Variants in BUB3 observed in about 807,000 individuals in gnomAD.
The protein encoded by BUB3 is BUB3 mitotic checkpoint protein.
A neutral mutation model predicts 39.9 loss-of-function variants in BUB3; 22 were observed. That is an observed-to-expected ratio of 0.55 (90% CI 0.39 to 0.79). The LOEUF is 0.79. Ranked by LOEUF, BUB3 falls within the 30% of genes least tolerant of loss-of-function variation. The pLI is 0.00. For missense variants in BUB3, 303 were observed against 415.4 expected (o/e 0.73, Z 2.35); for synonymous variants, 168 against 155.1 (o/e 1.08, Z -0.62).
chr10:123,160,283 GTGAT>G (rs1170782548), intron 4 of BUB3, 120 bp from the exon 5 acceptor site: 9 of 836,328 alleles, frequency 1.1e-5, no homozygotes, highest in East Asian at 5.3e-5. Flanking sequence ...ATTGTTATCT[GTGAT>G]TGGGGAATTC....
intron 4 of BUB3, 58 bp downstream of exon 4, chr10:123,157,938 T>G: frequency 6.7e-7 from 1 of 1,499,650 alleles, no homozygotes; most frequent in Non-Finnish European, 9.0e-7. Flanking sequence ...TTTGTCTTGG[T>G]GCATGATTGT....
chr10:123,159,481 AT>A (rs1321216249), intron 4 of BUB3, among the ~76,000 whole-genome samples: 2 of 152,230 alleles, frequency 1.3e-5, no homozygotes, highest in Non-Finnish European at 2.9e-5. Context: ...GCAAGTCTAG[AT>A]TTTTAAAAAG....
At chr10:123,158,023 C>A (rs1589689175) in intron 4 of BUB3, 143 bp downstream of exon 4, 1 of 919,422 alleles carries the variant, frequency 1.1e-6, no homozygotes, top group Non-Finnish European at 1.5e-6. Flanking sequence ...TTTTATAAAT[C>A]CAACTACATA....
rs754575937 is a variant in BUB3, at chr10:123,166,102, T to C, written c.*2267T>C. The C allele has an allele frequency of 6.6e-6, 1 of 152,170 alleles. No homozygotes were observed. Among genetic ancestry groups the C allele is most frequent in the Non-Finnish European group, 1.5e-5 (1 of 68,030 alleles). The allele number at this position is 152,170 out of a possible 1,614,324, so 9.4% of individuals were successfully genotyped here. ...TCTCTACATACCCCTTAACCAGCTC[T>C]CCACAATTTACTTGTTTATGGTTAT... is the stretch of plus-strand genomic sequence containing the variant. On this transcript the variant is annotated 3_prime_UTR_variant, in exon 8 of 8. Coordinates refer to ENST00000368865, the MANE Select transcript of BUB3 (RefSeq NM_004725.4).
chr10:123,163,877 A>G lies in BUB3; in HGVS notation c.*42A>G. 1 of 1,578,364 alleles carries G rather than the reference A, an allele frequency of 6.3e-7. No individual in the cohort carries two copies. The highest frequency in any genetic ancestry group is 1.1e-5 in the South Asian group (1 of 88,676). On this transcript the variant is annotated 3_prime_UTR_variant, in exon 8 of 8. Transcript: ENST00000368865. ...TAAGTGCCATGTTGATGATAATAAA[A>G]CAATTCGTACTCCCCAATGGTGGAT...
chr10:123,157,877 A>G lies in BUB3; in HGVS notation c.414A>G (p.Glu138=). ...PCNAGTFSQP[E]KVYTLSVSGD... ...ATGCTGGGACCTTCTCTCAGCCTGA[A>G]AAGGTAGGCTCTTTATATTCATTGC... Residue 138 remains glutamate (E), a synonymous_variant, in exon 4 of 8, where the codon GAA becomes GAG. Transcript: ENST00000368865. 1.2e-6 allele frequency: 2 copies of G among 1,612,686 alleles called. No individual in the cohort carries two copies. The highest frequency in any genetic ancestry group is 1.7e-6 in the Non-Finnish European group (2 of 1,179,484).
Position 123,164,383 on chromosome 10 carries a change from G to C in BUB3, c.*548G>C. 3.0e-6 allele frequency: 3 copies of C among 985,718 alleles called. No individual in the cohort carries two copies. The highest frequency in any genetic ancestry group is 3.6e-6 in the Non-Finnish European group (3 of 830,168). The allele number at this position is 985,718 out of a possible 1,614,324, so 61.1% of individuals were successfully genotyped here. A position where few individuals can be genotyped will look rare whatever the true frequency, so the allele number is the denominator to read the frequency against. On this transcript the variant is annotated 3_prime_UTR_variant, in exon 8 of 8. Transcript: ENST00000368865. ...GGCTGTTAAACAAAGCGAGGTTAAG[G>C]TTAGACTCTTGGGAATCAGCTAGTT...
At chr10:123,162,149 C>CT in intron 5 of BUB3, 87 bp from the exon 6 acceptor site, 1 of 1,186,414 alleles carries the variant, frequency 8.4e-7, no homozygotes, top group Non-Finnish European at 1.2e-6. Context: ...AATAATCACT[C>CT]TTTAGTGTGG....
intron 7 of BUB3, 37 bp from the exon 8 acceptor site, chr10:123,163,783 G>T: frequency 6.3e-7 from 1 of 1,577,402 alleles, no homozygotes; most frequent in Non-Finnish European, 8.7e-7. Flanking sequence ...TGGCCATTTT[G>T]ATCTCATGCT....
intron 4 of BUB3, among the ~76,000 whole-genome samples, chr10:123,159,243 G>T (rs1262316008): frequency 2.0e-5 from 3 of 152,134 alleles, no homozygotes; most frequent in Non-Finnish European, 4.4e-5. Context: ...TCTAGAGAGG[G>T]GTGGGACATG....
chr10:123,154,734 C>T (rs1844323488), intron 1 of BUB3, 184 bp from the exon 2 acceptor site: 7 of 629,848 alleles, frequency 1.1e-5, no homozygotes, highest in East Asian at 9.7e-5. Context: ...TTGGGCGCGG[C>T]GGGGGCCGGA....
At position 123,169,162 on chromosome 10, in the gene BUB3, C is replaced by T. The variant is rs1844524071; in HGVS notation, c.*5327C>T. The stretch of plus-strand genomic sequence containing the variant: ...CGGGCTTTCCCCCTATCGGCTGTTC[C>T]AGAGCGAGAGGCTGCAGGTGTCCAC... On this transcript the variant is annotated 3_prime_UTR_variant, in exon 8 of 8. Transcript: ENST00000368865. 1 of 152,230 alleles carries T rather than the reference C, an allele frequency of 6.6e-6. No homozygotes were observed. Among genetic ancestry groups the T allele is most frequent in the South Asian group, 2.1e-4 (1 of 4,836 alleles). The allele number at this position is 152,230 out of a possible 1,614,324, so 9.4% of individuals were successfully genotyped here.
Position 123,166,944 on chromosome 10 carries a change from A to G in BUB3, c.*3109A>G, listed in dbSNP as rs1844500074. 6.6e-6 allele frequency: 1 copy of G among 152,144 alleles called. No homozygotes were observed. The highest frequency in any genetic ancestry group is 1.5e-5 in the Non-Finnish European group (1 of 68,026). 9.4% of individuals were successfully genotyped at this position (152,144 alleles called of 1,614,324 possible). ...TCAAACCCTTCATTGTTTTTCCTCC[A>G]TTATCTGTTAAACTCCTGCTTTGCC... On this transcript the variant is annotated 3_prime_UTR_variant, in exon 8 of 8. Transcript: ENST00000368865.
intron 7 of BUB3, 74 bp downstream of exon 7, chr10:123,162,902 G>A: frequency 7.2e-7 from 1 of 1,397,296 alleles, no homozygotes; most frequent in South Asian, 1.2e-5. Flanking sequence ...CTAAATTCAT[G>A]AATAGCATTG....
intron 3 of BUB3, among the ~76,000 whole-genome samples, chr10:123,157,076 G>A (rs1042966407): frequency 6.6e-6 from 1 of 152,106 alleles, no homozygotes; most frequent in Non-Finnish European, 1.5e-5. Flanking sequence ...TTAGCAGTTG[G>A]CACAGATTCT....
intron 3 of BUB3, among the ~76,000 whole-genome samples, chr10:123,157,326 T>C (rs1205941634): frequency 6.6e-6 from 1 of 152,232 alleles, no homozygotes; most frequent in Non-Finnish European, 1.5e-5. Flanking sequence ...CATTTGTTTA[T>C]TCAACAGATA....
chr10:123,157,750 A>T lies in BUB3; in HGVS notation c.287A>T (p.Asp96Val). The change falls in exon 4 of 8, where the codon GAT becomes GTT. Residue 96 changes from aspartate to valine, a missense_variant. Around this residue, in one of 2 missense-constraint regions of BUB3, gnomAD observed 121 missense variants for 122.3 expected, o/e 0.99. Transcript: ENST00000368865. ...ATAGAAAATCTTGTTGGGACCCATG[A>T]TGCCCCTATCAGATGTGTTGAATAC... ...TDQENLVGTH[D>V]APIRCVEYCP... 6.2e-7 allele frequency: 1 copy of T among 1,604,232 alleles called. No individual in the cohort carries two copies. Among genetic ancestry groups the T allele is most frequent in the Non-Finnish European group, 8.5e-7 (1 of 1,174,842 alleles).
Position 123,164,657 on chromosome 10 carries a change from T to C in BUB3, c.*822T>C. ...TCTCTAAATGAATTTTTGGAAACAT[T>C]AATGAGGTTTACATATTTCTCTGAC... On this transcript the variant is annotated 3_prime_UTR_variant, in exon 8 of 8. Transcript: ENST00000368865. The C allele has an allele frequency of 2.0e-6, 2 of 999,094 alleles. No individual in the cohort carries two copies. Among genetic ancestry groups the C allele is most frequent in the South Asian group, 9.1e-5 (2 of 21,886 alleles). 61.9% of individuals were successfully genotyped at this position (999,094 alleles called of 1,614,324 possible).
At position 123,167,977 on chromosome 10, in the gene BUB3, T is replaced by C. The variant is rs1394959594; in HGVS notation, c.*4142T>C. ...TTTTTACGCTTTTTTTTTTTCTCCT[T>C]TTTCTGGAGAACGGGGTCTCGCTAT... On this transcript the variant is annotated 3_prime_UTR_variant, in exon 8 of 8. Transcript: ENST00000368865. The C allele has an allele frequency of 1.3e-5, 2 of 152,180 alleles. No individual in the cohort carries two copies. Among genetic ancestry groups the C allele is most frequent in the African/African-American group, 4.8e-5 (2 of 41,438 alleles). The allele number at this position is 152,180 out of a possible 1,614,324, so 9.4% of individuals were successfully genotyped here. A position where few individuals can be genotyped will look rare whatever the true frequency, so the allele number is the denominator to read the frequency against.
Sources: allele counts gnomAD v4.1 joint callset (sites outside exome capture counted in the v4.1 genomes callset), GRCh38; gene constraint gnomAD v4.1.1; regional missense constraint gnomAD v4.1.1; transcripts MANE v1.5; gene names NCBI Gene and HGNC (gene_info 2026-07-23, HGNC 2026-07-21).